Variants in KMT2E observed in about 807,000 individuals in gnomAD.
The protein encoded by KMT2E is lysine methyltransferase 2E (inactive).
KMT2E carries 30 observed loss-of-function variants against 184.6 expected under a neutral mutation model. The observed-to-expected ratio is 0.16, with a 90% CI of 0.12 to 0.22. The LOEUF (loss-of-function observed/expected upper bound fraction) is 0.22, where lower values mean the gene tolerates loss of function less well. Ranked by LOEUF, KMT2E falls within the 10% of genes least tolerant of loss-of-function variation. The probability of loss-of-function intolerance (pLI) is 1.00; values close to 1 mark genes in which losing one functional copy is unlikely to be tolerated. For synonymous variants in KMT2E, 815 were observed against 776.5 expected, an observed-to-expected ratio of 1.05 and a Z score of -0.82; for missense variants, 2,023 against 2,237.4, an observed-to-expected ratio of 0.90 and a Z score of 1.93.
intron 2 of KMT2E, among the ~76,000 whole-genome samples, chr7:105,039,428 A>G (rs1375831826): frequency 6.6e-6 from 1 of 152,234 alleles, no homozygotes; most frequent in Non-Finnish European, 1.5e-5. Context: ...TAAGTATACC[A>G]CTAAATATAG....
At chr7:105,080,471 GTGTT>G (rs1399262707) in intron 12 of KMT2E, among the ~76,000 whole-genome samples, 3 of 151,842 alleles carry the variant, frequency 2.0e-5, no homozygotes, top group Non-Finnish European at 4.4e-5. Flanking sequence ...CTGGGCTCAA[GTGTT>G]TGTTCTGCTT....
At chr7:105,018,403 A>G (rs1794805422) in intron 1 of KMT2E, among the ~76,000 whole-genome samples, 1 of 152,174 alleles carries the variant, frequency 6.6e-6, no homozygotes, top group South Asian at 2.1e-4. Context: ...TCTCCAAAGG[A>G]TTTGTTTTTA....
rs751745269 is a variant in KMT2E, at chr7:105,063,575, A to G, written c.411A>G (p.Lys137=). 1 of 1,565,728 alleles carries G rather than the reference A, an allele frequency of 6.4e-7. No individual in the cohort carries two copies. Among genetic ancestry groups the G allele is most frequent in the Non-Finnish European group, 8.7e-7 (1 of 1,151,326 alleles). Residue 137 remains lysine (K), a synonymous_variant, in exon 5 of 27, where the codon AAA becomes AAG. Transcript: ENST00000311117. ...ATGGATACATGATCTGTTGTGACAA[A>G]TGCAGGTAAAATATTTTACACCATT... ...HDDGYMICCD[K]CSVWQHIDCM...
At chr7:105,103,329 T>C (rs750926391) in intron 17 of KMT2E, 4 of 152,238 alleles carry the variant, frequency 2.6e-5, no homozygotes, top group Non-Finnish European at 5.9e-5. Flanking sequence ...GATTTTGTTA[T>C]TTTAAACAAC....
chr7:105,068,950 A>G (rs1797168067), intron 6 of KMT2E, among the ~76,000 whole-genome samples: 1 of 152,044 alleles, frequency 6.6e-6, no homozygotes, highest in Non-Finnish European at 1.5e-5. Flanking sequence ...TGCAGTTATT[A>G]CCCTTATTGA....
rs554188776 is a variant in KMT2E, at chr7:105,114,760, CTATT to C, written c.*1433_*1436del. ...AGTCATGTTTTTACACTTTGAACCT[CTATT>C]TATTTCCTTTTGAAAATTAGCTAAT... On this transcript the variant is annotated 3_prime_UTR_variant, in exon 27 of 27. Coordinates refer to ENST00000311117, the MANE Select transcript of KMT2E (RefSeq NM_182931.3). Among the ~76,000 whole-genome samples, 274 of 152,278 alleles carry C rather than the reference CTATT, an allele frequency of 1.8e-3. No individual in the cohort carries two copies. The highest frequency in any genetic ancestry group is 5.5e-3 in the African/African-American group (227 of 41,564).
chr7:105,020,517 G>A (rs982057715), intron 1 of KMT2E, among the ~76,000 whole-genome samples: 2 of 152,080 alleles, frequency 1.3e-5, no homozygotes, highest in African/African-American at 2.4e-5. Flanking sequence ...CCTGGGAGGC[G>A]GAGGTTGCAG....
chr7:105,074,596 T>G, intron 7 of KMT2E, 47 bp from the exon 8 acceptor site: 1 of 1,321,786 alleles, frequency 7.6e-7, no homozygotes, highest in Non-Finnish European at 1.0e-6. Context: ...ATTTCATTGT[T>G]TAAAATAGAA....
chr7:105,067,318 T>G (rs1797072701), intron 6 of KMT2E, among the ~76,000 whole-genome samples: 1 of 152,080 alleles, frequency 6.6e-6, no homozygotes, highest in Admixed American at 6.5e-5. Flanking sequence ...ATGCGCTATA[T>G]TAAAGAGTTA....
intron 1 of KMT2E, among the ~76,000 whole-genome samples, chr7:105,015,346 C>A (rs1794673390): frequency 6.6e-6 from 1 of 152,194 alleles, no homozygotes. Flanking sequence ...ATCCAGAGTG[C>A]TCTCTTCTAC....
At chr7:105,048,887 A>T (rs559802627) in intron 3 of KMT2E, among the ~76,000 whole-genome samples, 1 of 152,322 alleles carries the variant, frequency 6.6e-6, no homozygotes, top group African/African-American at 2.4e-5. Flanking sequence ...GAATCTTGAT[A>T]ATATACTGTT....
Position 105,022,940 on chromosome 7 carries a change from A to G in KMT2E, c.-189+8405A>G, listed in dbSNP as rs74662834. 3.7e-3 allele frequency among the ~76,000 whole-genome samples: 560 copies of G among 152,204 alleles called. 15 individuals are homozygous for G. The East Asian group carries it at 0.062, about 17-fold the overall frequency. On this transcript the variant is annotated intron_variant, in intron 1 of 26. Transcript: ENST00000311117. ...AATAAATTTTAAGGAAGAAAAGTAT[A>G]GATAAGATAGACAGTAGTATATGTA...
At chr7:105,091,645 C>T (rs1341015272) in intron 15 of KMT2E, 1 of 423,884 alleles carries the variant, frequency 2.4e-6, no homozygotes, top group Non-Finnish European at 4.2e-6. Flanking sequence ...CTAAATGTAT[C>T]CTCTCATGAT....
At chr7:105,045,225 G>A (rs1399646890) in intron 3 of KMT2E, among the ~76,000 whole-genome samples, 1 of 152,176 alleles carries the variant, frequency 6.6e-6, no homozygotes, top group South Asian at 2.1e-4. Flanking sequence ...TACATTGCCC[G>A]ATCTTGCAGC....
intron 9 of KMT2E, 91 bp from the exon 10 acceptor site, chr7:105,076,872 T>TTGTGTGTG (rs10598888): frequency 5.9e-5 from 37 of 632,430 alleles, no homozygotes; most frequent in South Asian, 3.8e-4. Flanking sequence ...GCCGTTAATT[T>TTGTGTGTG]TGTGTGTGTG....
Position 105,107,148 on chromosome 7 carries a change from T to A in KMT2E, c.2848-18T>A, listed in dbSNP as rs1798937740. 1.5e-6 allele frequency: 2 copies of A among 1,325,446 alleles called. No homozygotes were observed. Among genetic ancestry groups the A allele is most frequent in the East Asian group, 4.7e-5 (2 of 42,186 alleles). The allele number at this position is 1,325,446 out of a possible 1,614,324, so 82.1% of individuals were successfully genotyped here. ...CGTATTTTTAAATTTTCAATTCTAATTCTTTCTTTATATACAGAATATTTC... is the reference window on the plus strand; with the variant it reads ...CGTATTTTTAAATTTTCAATTCTAAATCTTTCTTTATATACAGAATATTTC... On this transcript the variant is annotated intron_variant, in intron 20 of 26. Transcript: ENST00000311117.
At chr7:105,051,329 G>T (rs1052637415) in intron 3 of KMT2E, among the ~76,000 whole-genome samples, 34 of 151,938 alleles carry the variant, frequency 2.2e-4, no homozygotes, top group Non-Finnish European at 2.9e-4. Flanking sequence ...GGGATTACAG[G>T]CATGCGCCAT....
rs545891316 is a variant in KMT2E, at chr7:105,090,334, ATCC to A, written c.1623+64_1623+66del. The A allele has an allele frequency of 7.0e-5, 107 of 1,521,992 alleles. No individual in the cohort carries two copies. The Admixed American group carries it at 2.4e-3, about 34-fold the overall frequency. The allele number at this position is 1,521,992 out of a possible 1,614,324, so 94.3% of individuals were successfully genotyped here. On this transcript the variant is annotated intron_variant, in intron 14 of 26. Transcript: ENST00000311117. ...AAAGGAAAATAATCTGTCATATTTT[ATCC>A]TCTTCTTTGTTCTATGTATAATTGT...
chr7:105,067,068 A>AG (rs1476035816), intron 6 of KMT2E, among the ~76,000 whole-genome samples: 1 of 147,234 alleles, frequency 6.8e-6, no homozygotes, highest in African/African-American at 2.5e-5. Flanking sequence ...TTTTTTTTTA[A>AG]AAAAAAAAAA....
Sources: allele counts gnomAD v4.1 joint callset (sites outside exome capture counted in the v4.1 genomes callset), GRCh38; gene constraint gnomAD v4.1.1; transcripts MANE v1.5; gene names NCBI Gene and HGNC (gene_info 2026-07-23, HGNC 2026-07-21).